TMEM163: variants seen among roughly 807,000 people sequenced by gnomAD.
The protein encoded by TMEM163 is transmembrane protein 163.
TMEM163 carries 17 observed loss-of-function variants against 29.3 expected under a neutral mutation model. The observed-to-expected ratio is 0.58, with a 90% CI of 0.40 to 0.87. The LOEUF (loss-of-function observed/expected upper bound fraction) is 0.87, where lower values mean the gene tolerates loss of function less well. Among genes scored for constraint, TMEM163 ranks in the 40% least tolerant of loss-of-function variants. The pLI is 0.00. For missense variants in TMEM163, 303 were observed against 381.5 expected (o/e 0.79, Z 1.71); for synonymous variants, 157 against 160.6 (o/e 0.98, Z 0.17).
intron 2 of TMEM163, among the ~76,000 whole-genome samples, chr2:134,632,881 G>A (rs541999815): frequency 9.3e-5 from 14 of 150,154 alleles, no homozygotes; most frequent in South Asian, 4.2e-4. Context: ...TAGCTGGGAC[G>A]ACAGGCACCC....
At chr2:134,546,351 T>G (rs1377010932) in intron 4 of TMEM163, among the ~76,000 whole-genome samples, 1 of 152,204 alleles carries the variant, frequency 6.6e-6, no homozygotes, top group Non-Finnish European at 1.5e-5. Flanking sequence ...AGAATATTAT[T>G]CAGCCTTTAG....
chr2:134,634,337 G>A (rs1683056177), intron 2 of TMEM163, among the ~76,000 whole-genome samples: 1 of 152,138 alleles, frequency 6.6e-6, no homozygotes, highest in African/African-American at 2.4e-5. Context: ...AAGCTGCTCT[G>A]TGCCTCATTT....
chr2:134,479,868 C>T (rs182844381), intron 5 of TMEM163, among the ~76,000 whole-genome samples: 1 of 152,212 alleles, frequency 6.6e-6, no homozygotes, highest in East Asian at 1.9e-4. Flanking sequence ...TGGAATGTGG[C>T]GAAAGCCACA....
rs1322426660 is a variant in TMEM163, at chr2:134,718,728, G to C, written c.202+6C>G. Reference sequence around the variant, plus strand: ...TCGCCGGCCGGGTCGGGCAGCTCGCGCTCACCTCGGTCCTCCAGCCCGTCG... The same window carrying C: ...TCGCCGGCCGGGTCGGGCAGCTCGCCCTCACCTCGGTCCTCCAGCCCGTCG... On this transcript the variant is annotated splice_donor_region_variant and intron_variant, in intron 1 of 7. Coordinates refer to ENST00000281924, the MANE Select transcript of TMEM163 (RefSeq NM_030923.5). 10 of 1,152,794 alleles carry C rather than the reference G, an allele frequency of 8.7e-6. No individual in the cohort carries two copies. The African/African-American group carries it at 1.6e-4, about 19-fold the overall frequency. 71.4% of individuals were successfully genotyped at this position (1,152,794 alleles called of 1,614,324 possible).
chr2:134,693,997 T>C (rs1162204557), intron 2 of TMEM163, among the ~76,000 whole-genome samples: 1 of 152,162 alleles, frequency 6.6e-6, no homozygotes, highest in East Asian at 1.9e-4. Flanking sequence ...GGGCAGAGTG[T>C]GAATACTCTA....
At chr2:134,497,004 C>A (rs1309282731) in intron 5 of TMEM163, among the ~76,000 whole-genome samples, 1 of 152,196 alleles carries the variant, frequency 6.6e-6, no homozygotes, top group Non-Finnish European at 1.5e-5. Flanking sequence ...CCCACAACCA[C>A]CCTTCCTTCA....
chr2:134,483,373 T>G (rs1679239843), intron 5 of TMEM163, among the ~76,000 whole-genome samples: 1 of 152,170 alleles, frequency 6.6e-6, no homozygotes, highest in Admixed American at 6.5e-5. Context: ...CCGCCATTCC[T>G]GAGGAACTCT....
chr2:134,545,464 C>G (rs1397976031), intron 4 of TMEM163, among the ~76,000 whole-genome samples: 1 of 152,174 alleles, frequency 6.6e-6, no homozygotes, highest in East Asian at 1.9e-4. Flanking sequence ...CCTCTTTCTT[C>G]CTGGTGGCTG....
chr2:134,584,360 G>A (rs1035386122), intron 2 of TMEM163, among the ~76,000 whole-genome samples: 1 of 152,204 alleles, frequency 6.6e-6, no homozygotes, highest in African/African-American at 2.4e-5. Flanking sequence ...CCCAGCCATG[G>A]TGTCTGAAGC....
chr2:134,667,567 G>T (rs1683895370), intron 2 of TMEM163, among the ~76,000 whole-genome samples: 1 of 152,214 alleles, frequency 6.6e-6, no homozygotes, highest in East Asian at 1.9e-4. Context: ...GCCCTGGACT[G>T]CTTCCACCCA....
chr2:134,458,247 C>A, intron 6 of TMEM163, 74 bp from the exon 7 acceptor site: 1 of 1,571,382 alleles, frequency 6.4e-7, no homozygotes, highest in South Asian at 1.1e-5. Context: ...GCCAGTCCTG[C>A]CTCCACGTAA....
intron 2 of TMEM163, among the ~76,000 whole-genome samples, chr2:134,582,076 T>C (rs1681707565): frequency 6.6e-6 from 1 of 152,134 alleles, no homozygotes. Context: ...ATGCAAGAGT[T>C]TAAAACTTTC....
At chr2:134,700,547 A>G (rs1453325732) in intron 2 of TMEM163, among the ~76,000 whole-genome samples, 1 of 152,136 alleles carries the variant, frequency 6.6e-6, no homozygotes, top group African/African-American at 2.4e-5. Flanking sequence ...ATGGTTCCTC[A>G]TGTACTTTTG....
At chr2:134,550,473 G>T in intron 4 of TMEM163, 97 bp downstream of exon 4, 2 of 1,176,316 alleles carry the variant, frequency 1.7e-6, no homozygotes, top group Non-Finnish European at 1.2e-6. Context: ...CTCATCACTG[G>T]GACAAAAGCT....
intron 2 of TMEM163, among the ~76,000 whole-genome samples, chr2:134,650,826 G>T (rs1222597584): frequency 7.4e-6 from 1 of 134,654 alleles, no homozygotes; most frequent in Non-Finnish European, 1.5e-5. Context: ...AGTTTACTGA[G>T]AATGATGATT....
At chr2:134,577,351 G>A (rs548614349) in intron 2 of TMEM163, among the ~76,000 whole-genome samples, 80 of 152,230 alleles carry the variant, frequency 5.3e-4, no homozygotes, top group African/African-American at 1.8e-3. Flanking sequence ...GTCCCGGCAG[G>A]GACCAGAAGT....
intron 2 of TMEM163, among the ~76,000 whole-genome samples, chr2:134,566,998 A>T (rs1681312923): frequency 6.6e-6 from 1 of 152,198 alleles, no homozygotes; most frequent in African/African-American, 2.4e-5. Context: ...TTTCTTTATG[A>T]TACAATTTCA....
chr2:134,458,558 GAC>G (rs1558908842), intron 6 of TMEM163: 6 of 192,396 alleles, frequency 3.1e-5, no homozygotes, highest in Non-Finnish European at 5.5e-5. Flanking sequence ...AATACTTGGG[GAC>G]TCATATCTGA....
chr2:134,548,726 T>C (rs185963938), intron 4 of TMEM163, among the ~76,000 whole-genome samples: 2 of 152,342 alleles, frequency 1.3e-5, no homozygotes, highest in African/African-American at 2.4e-5. Flanking sequence ...TGAGATATAT[T>C]GGGGATGGAA....
Sources: allele counts gnomAD v4.1 joint callset (sites outside exome capture counted in the v4.1 genomes callset), GRCh38; gene constraint gnomAD v4.1.1; transcripts MANE v1.5; gene names NCBI Gene and HGNC (gene_info 2026-07-23, HGNC 2026-07-21).